EGFR: variants seen among roughly 807,000 people sequenced by gnomAD.
The protein encoded by EGFR is epidermal growth factor receptor, also known as avian erythroblastic leukemia viral (v-erb-b) oncogene homolog.
A neutral mutation model predicts 143.0 loss-of-function variants in EGFR; 58 were observed. The ratio of observed to expected loss-of-function variants is 0.41; its 90% confidence interval spans 0.33 to 0.50. The LOEUF (loss-of-function observed/expected upper bound fraction) is 0.50. Ranked by LOEUF, EGFR falls within the 20% of genes least tolerant of loss-of-function variation. The pLI is 0.39. For synonymous variants in EGFR, 613 were observed against 594.4 expected (o/e 1.03, Z -0.45); for missense variants, 1,307 against 1,579.0 (o/e 0.83, Z 2.92).
chr7:55,097,449 T>C (rs747502641), intron 1 of EGFR, among the ~76,000 whole-genome samples: 1 of 152,086 alleles, frequency 6.6e-6, no homozygotes, highest in African/African-American at 2.4e-5. Flanking sequence ...AAAGAGAAAA[T>C]GGAGAAGTAA....
At chr7:55,201,714 A>G (rs768876942) in intron 25 of EGFR, 21 bp from the exon 26 acceptor site, 9 of 1,614,058 alleles carry the variant, frequency 5.6e-6, no homozygotes, top group Admixed American at 1.7e-5. Context: ...TCCATGGGCA[A>G]CTTCTCTGTT....
At chr7:55,188,752 C>G (rs1787255692) in intron 20 of EGFR, 1 of 152,120 alleles carries the variant, frequency 6.6e-6, no homozygotes, top group South Asian at 2.1e-4. Context: ...TTCAAATGTG[C>G]CGGCAGTGGG....
intron 1 of EGFR, among the ~76,000 whole-genome samples, chr7:55,020,463 C>T (rs970013385): frequency 1.3e-5 from 2 of 152,174 alleles, no homozygotes; most frequent in Non-Finnish European, 2.9e-5. Flanking sequence ...ATGGGGCTCA[C>T]AGCAAACTTC....
intron 1 of EGFR, among the ~76,000 whole-genome samples, chr7:55,020,539 C>T (rs944928148): frequency 1.5e-4 from 22 of 147,392 alleles, no homozygotes; most frequent in African/African-American, 5.5e-4. Context: ...TTTGAGCCAA[C>T]CAAAATATTA....
rs2128938304 is a variant in EGFR at position 55,156,598 on chromosome 7, C to T, written c.1072C>T (p.His358Tyr). The T allele has an allele frequency of 6.2e-7, 1 of 1,614,254 alleles. No homozygotes were observed. ...SLSINATNIK[H>Y]FKNCTSISGD... is the part of the protein sequence containing the mutation. The stretch of plus-strand genomic sequence containing the variant: ...CTCCATAAATGCTACGAATATTAAA[C>T]ACTTCAAAAACTGCACCTCCATCAG... The change falls in exon 9 of 28, where the codon CAC (histidine) becomes TAC (tyrosine). Residue 358 changes from histidine (H) to tyrosine (Y), a missense_variant. Physicochemically the swap from His to Tyr is moderately conservative, Grantham distance 83. This residue lies in a region of EGFR where 15 missense variants were observed against 46.5 expected (regional missense o/e 0.32). Transcript: ENST00000275493.
At position 55,157,745 on chromosome 7, in the gene EGFR, C is replaced by A. The variant is rs1460415933; in HGVS notation, c.1290C>A (p.Thr430=). The A allele has an allele frequency of 2.5e-6, 4 of 1,614,208 alleles. No homozygotes were observed. In the South Asian group the frequency reaches 3.3e-5, roughly 13 times the overall value. Reference sequence around the variant, plus strand: ...ACCTAGAAATCATACGCGGCAGGACCAAGCAACAGTAAGTTGACCACAGCC... The same window carrying A: ...ACCTAGAAATCATACGCGGCAGGACAAAGCAACAGTAAGTTGACCACAGCC... ...FENLEIIRGR[T]KQHGQFSLAV... The change falls in exon 11 of 28, where the codon ACC becomes ACA. Residue 430 remains threonine, a synonymous_variant. Coordinates refer to ENST00000275493, the MANE Select transcript of EGFR (RefSeq NM_005228.5).
chr7:55,094,986 G>A (rs984196554), intron 1 of EGFR, among the ~76,000 whole-genome samples: 18 of 152,108 alleles, frequency 1.2e-4, no homozygotes, highest in African/African-American at 3.1e-4. Flanking sequence ...CCCTGGCACC[G>A]GCAGCCTTAT....
intron 15 of EGFR, chr7:55,168,647 TTATAAA>T: frequency 3.4e-6 from 5 of 1,465,864 alleles, no homozygotes; most frequent in Non-Finnish European, 4.7e-6. Flanking sequence ...ATATGGAATT[TTATAAA>T]TATTTTCTTT....
intron 1 of EGFR, among the ~76,000 whole-genome samples, chr7:55,080,907 C>T (rs999550773): frequency 1.3e-5 from 2 of 152,256 alleles, no homozygotes; most frequent in African/African-American, 2.4e-5. Flanking sequence ...CCCTGTACAA[C>T]TAGGACCCAG....
intron 15 of EGFR, among the ~76,000 whole-genome samples, chr7:55,166,567 G>C (rs1480190663): frequency 6.6e-6 from 1 of 152,224 alleles, no homozygotes; most frequent in African/African-American, 2.4e-5. Context: ...TTGATGGTGG[G>C]ATGGTGATGA....
intron 1 of EGFR, among the ~76,000 whole-genome samples, chr7:55,066,844 C>T (rs1441137447): frequency 2.0e-5 from 3 of 152,234 alleles, no homozygotes; most frequent in African/African-American, 7.2e-5. Flanking sequence ...ATTTCTCAAG[C>T]TTGACAATGA....
chr7:55,144,774 C>T (rs539419805), intron 3 of EGFR, among the ~76,000 whole-genome samples: 8 of 152,322 alleles, frequency 5.3e-5, no homozygotes, highest in South Asian at 2.1e-4. Flanking sequence ...CCTGGACCTC[C>T]GAGCCAGACC....
At chr7:55,028,011 T>A (rs1348048961) in intron 1 of EGFR, among the ~76,000 whole-genome samples, 1 of 124,906 alleles carries the variant, frequency 8.0e-6, no homozygotes, top group Non-Finnish European at 1.6e-5. Flanking sequence ...TATATATATA[T>A]ATATATATAT....
At chr7:55,092,114 G>T (rs531081149) in intron 1 of EGFR, among the ~76,000 whole-genome samples, 1 of 152,226 alleles carries the variant, frequency 6.6e-6, no homozygotes, top group Admixed American at 6.5e-5. Context: ...TTTAATGCGG[G>T]CTACCTCTGT....
rs190737813 is a variant in EGFR, at chr7:55,144,668, C to T, written c.424+1180C>T. On this transcript the variant is annotated intron_variant, in intron 3 of 27. Transcript: ENST00000275493. ...GCTGCTCAGAGCAGCCGCGCACATG[C>T]TTGTGCTGTGCGTGCCTCCTGTGAG... Among the ~76,000 whole-genome samples, 21 of 152,260 alleles carry T rather than the reference C, an allele frequency of 1.4e-4. 1 individual carries two copies. Among genetic ancestry groups the T allele is most frequent in the African/African-American group, 5.1e-4 (21 of 41,550 alleles).
rs757125582 is a variant in EGFR, at chr7:55,201,788, T to C, written c.3162+6T>C. On this transcript the variant is annotated splice_donor_region_variant and intron_variant, in intron 26 of 27. Coordinates refer to ENST00000275493, the MANE Select transcript of EGFR (RefSeq NM_005228.5). The stretch of plus-strand genomic sequence containing the variant: ...CTTGCATTGATAGAAATGGGGTATG[T>C]ATGAACACCTTATAAGCCAGAATTT... 1 of 1,614,090 alleles carries C rather than the reference T, an allele frequency of 6.2e-7. No individual in the cohort carries two copies. Among genetic ancestry groups the C allele is most frequent in the East Asian group, 2.2e-5 (1 of 44,904 alleles).
chr7:55,153,088 A>C (rs1384359239), intron 6 of EGFR, among the ~76,000 whole-genome samples: 1 of 152,344 alleles, frequency 6.6e-6, no homozygotes, highest in African/African-American at 2.4e-5. Flanking sequence ...TGACACTGTG[A>C]GGTCCCTAAG....
At chr7:55,204,791 C>T (rs759653895) in intron 27 of EGFR, among the ~76,000 whole-genome samples, 82 of 143,732 alleles carry the variant, frequency 5.7e-4, no homozygotes, top group Middle Eastern at 4.0e-3. Flanking sequence ...ACACACCATA[C>T]ATACACACGT....
chr7:55,029,018 G>A (rs1484232028), intron 1 of EGFR, among the ~76,000 whole-genome samples: 1 of 152,162 alleles, frequency 6.6e-6, no homozygotes, highest in Non-Finnish European at 1.5e-5. Context: ...AAACAGCTGG[G>A]TGCGGTGGCA....
Sources: allele counts gnomAD v4.1 joint callset (sites outside exome capture counted in the v4.1 genomes callset), GRCh38; gene constraint gnomAD v4.1.1; regional missense constraint gnomAD v4.1.1; transcripts MANE v1.5; gene names NCBI Gene and HGNC (gene_info 2026-07-23, HGNC 2026-07-21).